The following GTF2A1L variants were observed in gnomAD, a reference collection of about 807,000 sequenced individuals.
GTF2A1L encodes TFIIA-alpha and beta-like factor.
Under a neutral mutation model 49.7 loss-of-function variants are expected in GTF2A1L, and 48 were observed. The ratio of observed to expected loss-of-function variants is 0.97; its 90% CI spans 0.77 to 1.23. The LOEUF (loss-of-function observed/expected upper bound fraction) is 1.23. GTF2A1L is among the 50% of genes most tolerant of loss of function. GTF2A1L has a pLI of 0.00. For missense variants in GTF2A1L, 736 were observed against 564.8 expected (o/e 1.30, Z -3.07); for synonymous variants, 246 against 193.5 (o/e 1.27, Z -2.25).
At chr2:48,644,561 A>C (rs1572726783) in intron 4 of GTF2A1L, among the ~76,000 whole-genome samples, 1 of 152,212 alleles carries the variant, frequency 6.6e-6, no homozygotes, top group Non-Finnish European at 1.5e-5. Context: ...AGTAGAGTTC[A>C]TGGGTCAAAG....
chr2:48,644,919 GTA>G (rs1460107866), intron 4 of GTF2A1L, 112 bp from the exon 5 acceptor site: 4 of 830,044 alleles, frequency 4.8e-6, no homozygotes, highest in Non-Finnish European at 7.3e-6. Flanking sequence ...TAAATGTTAA[GTA>G]TTGTCAAACT....
At chr2:48,633,059 C>G (rs920472427) in intron 3 of GTF2A1L, 5 of 251,924 alleles carry the variant, frequency 2.0e-5, no homozygotes, top group African/African-American at 1.2e-4. Context: ...TCATGTTGGC[C>G]TTTGATTGAT....
intron 6 of GTF2A1L, among the ~76,000 whole-genome samples, chr2:48,661,613 G>A (rs375252939): frequency 2.6e-5 from 4 of 151,888 alleles, no homozygotes; most frequent in South Asian, 2.1e-4. Context: ...TTGTTATATC[G>A]TCTTGGTATA....
intron 1 of GTF2A1L, among the ~76,000 whole-genome samples, chr2:48,619,288 G>C (rs75911222): frequency 6.6e-6 from 1 of 151,974 alleles, no homozygotes; most frequent in Admixed American, 6.6e-5. Context: ...GGCCAACATG[G>C]TGAAACCCCA....
Position 48,644,404 on chromosome 2 carries a change from C to A in GTF2A1L, c.304-629C>A, listed in dbSNP as rs62137507. 5.6e-3 allele frequency among the ~76,000 whole-genome samples: 853 copies of A among 152,164 alleles called. 5 individuals carry two copies. Among genetic ancestry groups the A allele is most frequent in the South Asian group, 0.012 (59 of 4,806 alleles). ...TTCAATTTCAGTTAGTACAAATTGACCTTCGTGGATGCAGCACAGTTTAAT... is the reference window on the plus strand; with the variant it reads ...TTCAATTTCAGTTAGTACAAATTGAACTTCGTGGATGCAGCACAGTTTAAT... On this transcript the variant is annotated intron_variant, in intron 4 of 8. Transcript: ENST00000403751.
intron 1 of GTF2A1L, among the ~76,000 whole-genome samples, chr2:48,620,362 G>A (rs1675912813): frequency 6.6e-6 from 1 of 152,190 alleles, no homozygotes; most frequent in Admixed American, 6.5e-5. Flanking sequence ...CACAGTTTAT[G>A]GAAAGCTAAG....
At chr2:48,626,663 C>T (rs573825234) in intron 3 of GTF2A1L, among the ~76,000 whole-genome samples, 2 of 143,918 alleles carry the variant, frequency 1.4e-5, no homozygotes, top group African/African-American at 2.5e-5. Flanking sequence ...GCCTCCACCC[C>T]CTGGGCGCAA....
chr2:48,669,526 A>G (rs1426692077), intron 6 of GTF2A1L, among the ~76,000 whole-genome samples, 196 bp from the exon 7 acceptor site: 2 of 152,206 alleles, frequency 1.3e-5, no homozygotes, highest in Non-Finnish European at 2.9e-5. Context: ...TACTTTATTT[A>G]TAATTTAAAA....
rs186197714 is a variant in GTF2A1L, at chr2:48,651,318, C to T, written c.978+4276C>T. Among the ~76,000 whole-genome samples, 18 of 152,196 alleles carry T rather than the reference C, an allele frequency of 1.2e-4. 1 individual carries two copies. The highest frequency in any genetic ancestry group is 4.8e-5 in the African/African-American group (2 of 41,526). On this transcript the variant is annotated intron_variant, in intron 6 of 8. Coordinates refer to ENST00000403751, the MANE Select transcript of GTF2A1L (RefSeq NM_006872.5). ...CTGGAATTCATAGATGTATCAGCAG[C>T]GACTTTCCTTTAACATTCAACAGGC... is the stretch of plus-strand genomic sequence containing the variant.
chr2:48,677,549 T>G (rs555392067), intron 8 of GTF2A1L, among the ~76,000 whole-genome samples: 14 of 152,018 alleles, frequency 9.2e-5, no homozygotes, highest in African/African-American at 3.4e-4. Flanking sequence ...TGTAAGGACT[T>G]TAGTTTTTGG....
At chr2:48,642,260 C>A in intron 3 of GTF2A1L, 142 bp from the exon 4 acceptor site, 2 of 733,406 alleles carry the variant, frequency 2.7e-6, no homozygotes, top group South Asian at 4.1e-5. Context: ...CTTTTTACCG[C>A]ACTTGGAATC....
intron 6 of GTF2A1L, among the ~76,000 whole-genome samples, chr2:48,669,146 C>G (rs1010701338): frequency 2.6e-5 from 4 of 152,142 alleles, no homozygotes; most frequent in Non-Finnish European, 5.9e-5. Flanking sequence ...TTCATCTTCT[C>G]AAACAGAAAC....
intron 3 of GTF2A1L, among the ~76,000 whole-genome samples, chr2:48,637,144 T>C (rs1471733589): frequency 6.6e-6 from 1 of 152,238 alleles, no homozygotes; most frequent in Non-Finnish European, 1.5e-5. Context: ...ACATCTTTTA[T>C]GCTAATGCGT....
At chr2:48,637,197 C>T (rs1467240868) in intron 3 of GTF2A1L, among the ~76,000 whole-genome samples, 2 of 152,066 alleles carry the variant, frequency 1.3e-5, no homozygotes, top group South Asian at 4.1e-4. Context: ...TTTCCTGAAT[C>T]ATGTAATTTT....
At chr2:48,618,155 G>T (rs377025683) in intron 1 of GTF2A1L, 9 of 492,926 alleles carry the variant, frequency 1.8e-5, no homozygotes, top group African/African-American at 1.4e-4. Context: ...AGGCTATCTA[G>T]TTGGGGTGTT....
At chr2:48,631,443 T>C (rs1297871182) in intron 3 of GTF2A1L, among the ~76,000 whole-genome samples, 1 of 152,204 alleles carries the variant, frequency 6.6e-6, no homozygotes, top group Non-Finnish European at 1.5e-5. Context: ...GAGGATCTTT[T>C]GTATTTCTGT....
intron 6 of GTF2A1L, among the ~76,000 whole-genome samples, chr2:48,649,239 G>T (rs972362886): frequency 1.3e-5 from 2 of 152,088 alleles, no homozygotes; most frequent in African/African-American, 4.8e-5. Context: ...AAGGTTAGTC[G>T]ATATCGTAGC....
intron 6 of GTF2A1L, among the ~76,000 whole-genome samples, chr2:48,654,064 G>T (rs758562791): frequency 3.3e-5 from 5 of 152,100 alleles, no homozygotes; most frequent in Non-Finnish European, 7.4e-5. Flanking sequence ...TTCCAAGGTG[G>T]CTGTATTTCC....
chr2:48,641,327 TA>T (rs1401851509), intron 3 of GTF2A1L, among the ~76,000 whole-genome samples: 1 of 152,230 alleles, frequency 6.6e-6, no homozygotes, highest in African/African-American at 2.4e-5. Context: ...TGTGCTTCAT[TA>T]ACCATCAATC....
Sources: gnomAD v4.1 joint callset for allele counts (sites outside exome capture counted in the v4.1 genomes callset) on GRCh38, gnomAD v4.1.1 for gene constraint, MANE v1.5 for transcripts, NCBI Gene and HGNC (gene_info 2026-07-23, HGNC 2026-07-21) for gene names.